CCDC171: variants seen among roughly 807,000 people sequenced by gnomAD.
The protein encoded by CCDC171 is coiled-coil domain containing 171.
Under a neutral mutation model 168.2 loss-of-function variants are expected in CCDC171, and 177 were observed. The observed-to-expected ratio is 1.05, with a 90% CI of 0.93 to 1.19. The LOEUF is 1.19. Among genes scored for constraint, CCDC171 ranks in the 50% most tolerant of loss-of-function variants. The pLI is 0.00. For synonymous variants in CCDC171, 687 were observed against 540.8 expected, an observed-to-expected ratio of 1.27 and a Z score of -3.75; for missense variants, 1,991 against 1,539.0, an observed-to-expected ratio of 1.29 and a Z score of -4.91.
chr9:15,940,866 A>G (rs772409510), intron 25 of CCDC171, among the ~76,000 whole-genome samples: 13 of 151,910 alleles, frequency 8.6e-5, no homozygotes, highest in African/African-American at 1.2e-4. Flanking sequence ...CACTAGGTTC[A>G]AAAAACAAAA....
At chr9:15,553,548 A>T (rs2038513336) in intron 1 of CCDC171, 1 of 152,446 alleles carries the variant, frequency 6.6e-6, no homozygotes, top group African/African-American at 2.4e-5. Flanking sequence ...GAGGCAGAGG[A>T]CCGGGATTTG....
chr9:16,017,388 C>T (rs375365445), intron 3 of CCDC171, among the ~76,000 whole-genome samples: 2 of 152,110 alleles, frequency 1.3e-5, no homozygotes, highest in South Asian at 2.1e-4. Context: ...ATAGACAACG[C>T]ATAATTATTT....
chr9:15,813,525 G>T (rs2059441801), intron 21 of CCDC171, among the ~76,000 whole-genome samples: 1 of 151,934 alleles, frequency 6.6e-6, no homozygotes, highest in African/African-American at 2.4e-5. Flanking sequence ...AACAGTTTTG[G>T]TTGCTTTTTT....
At chr9:16,075,343 T>G in the CCDC171 span, among the ~76,000 whole-genome samples, 1 of 152,226 alleles carries the variant, frequency 6.6e-6, no homozygotes, top group African/African-American at 2.4e-5. Flanking sequence ...TTTTCTCTCT[T>G]TTGATTTCCT....
At chr9:15,624,347 G>T (rs2044847384) in intron 7 of CCDC171, among the ~76,000 whole-genome samples, 1 of 151,966 alleles carries the variant, frequency 6.6e-6, no homozygotes, top group Non-Finnish European at 1.5e-5. Context: ...AAGTTCTAGG[G>T]TACATGTGCA....
downstream of CCDC171, among the ~76,000 whole-genome samples, chr9:15,978,436 C>T (rs1397693579): frequency 2.7e-5 from 4 of 148,528 alleles, no homozygotes; most frequent in Non-Finnish European, 4.4e-5. Flanking sequence ...ACAGAAGAGT[C>T]CTGGCACATG....
intron 24 of CCDC171, chr9:15,875,768 A>G (rs1817755545): frequency 6.6e-6 from 1 of 151,992 alleles, no homozygotes; most frequent in Non-Finnish European, 1.5e-5. Context: ...AATGCTCTAC[A>G]AGGAAAAAAA....
chr9:15,835,718 C>T (rs777165492), intron 21 of CCDC171, among the ~76,000 whole-genome samples: 11 of 152,266 alleles, frequency 7.2e-5, no homozygotes, highest in Admixed American at 2.0e-4. Context: ...TGAGCCACTG[C>T]GCCTGGCTGT....
chr9:15,878,752 A>G (rs1481561827), intron 24 of CCDC171, among the ~76,000 whole-genome samples: 1 of 152,236 alleles, frequency 6.6e-6, no homozygotes, highest in East Asian at 1.9e-4. Flanking sequence ...GGTAGAATGG[A>G]TAAAGAAAAT....
At chr9:15,750,133 G>A (rs1288821575) in intron 18 of CCDC171, among the ~76,000 whole-genome samples, 1 of 151,218 alleles carries the variant, frequency 6.6e-6, no homozygotes, top group Non-Finnish European at 1.5e-5. Flanking sequence ...ATGACAAAGG[G>A]GATATCACCA....
chr9:15,560,444 C>G (rs180969072), intron 1 of CCDC171, among the ~76,000 whole-genome samples: 21 of 152,168 alleles, frequency 1.4e-4, no homozygotes, highest in African/African-American at 4.3e-4. Flanking sequence ...TCTTTTTTCT[C>G]TAAATTTCTC....
At chr9:16,001,322 A>G (rs1832535934) in intron 3 of CCDC171, among the ~76,000 whole-genome samples, 1 of 152,036 alleles carries the variant, frequency 6.6e-6, no homozygotes, top group African/African-American at 2.4e-5. Flanking sequence ...AGAAAACAAT[A>G]TGGCACCCTC....
At chr9:15,938,387 A>G (rs577714047) in intron 25 of CCDC171, among the ~76,000 whole-genome samples, 1 of 152,026 alleles carries the variant, frequency 6.6e-6, no homozygotes, top group South Asian at 2.1e-4. Context: ...ATTAATAGAG[A>G]AGAGCATTTA....
intron 25 of CCDC171, among the ~76,000 whole-genome samples, chr9:15,948,436 C>A (rs1450379756): frequency 2.1e-5 from 3 of 143,346 alleles, no homozygotes; most frequent in Non-Finnish European, 4.6e-5. Flanking sequence ...GTTTACAGTC[C>A]CACCAACAGT....
the CCDC171 span, among the ~76,000 whole-genome samples, chr9:16,070,145 G>C: frequency 6.6e-6 from 1 of 152,160 alleles, no homozygotes; most frequent in African/African-American, 2.4e-5. Context: ...TGGAAAGAAA[G>C]AGTGAGGGGT....
rs759033459 is a variant in CCDC171 at position 15,666,666 on chromosome 9, A to T, written c.1076+343A>T. Among the ~76,000 whole-genome samples, 119 of 152,302 alleles carry T rather than the reference A, an allele frequency of 7.8e-4. 1 individual carries two copies. Among genetic ancestry groups the T allele is most frequent in the Non-Finnish European group, 1.6e-3 (106 of 68,020 alleles). ...AGTGAGACTTTGTCTCTACAAAAAA[A>T]ATAAAAAAATTAGCCAAGTATAGTG... On this transcript the variant is annotated intron_variant, in intron 9 of 25. Transcript: ENST00000380701.
chr9:15,736,728 T>G (rs1263615475), intron 16 of CCDC171, among the ~76,000 whole-genome samples: 1 of 151,390 alleles, frequency 6.6e-6, no homozygotes, highest in Non-Finnish European at 1.5e-5. Flanking sequence ...CCAGGTGGAG[T>G]GCACTGCTGC....
chr9:15,782,149 C>A (rs1265873873), intron 20 of CCDC171, among the ~76,000 whole-genome samples: 3 of 152,132 alleles, frequency 2.0e-5, no homozygotes, highest in Non-Finnish European at 4.4e-5. Flanking sequence ...TCGCTCATTT[C>A]AGAAAAAGTG....
intron 21 of CCDC171, among the ~76,000 whole-genome samples, chr9:15,789,950 C>T (rs183273982): frequency 9.1e-4 from 139 of 152,184 alleles, no homozygotes; most frequent in African/African-American, 3.2e-3. Flanking sequence ...TTTATGGCTG[C>T]ATAGTATTCC....
Sources: allele counts gnomAD v4.1 joint callset (sites outside exome capture counted in the v4.1 genomes callset), GRCh38; gene constraint gnomAD v4.1.1; transcripts MANE v1.5; gene names NCBI Gene and HGNC (gene_info 2026-07-23, HGNC 2026-07-21).